The following CCDC171 variants were observed in gnomAD, a reference collection of about 807,000 sequenced individuals.
CCDC171 encodes the protein coiled-coil domain-containing protein 171.
In CCDC171, 177 loss-of-function variants were observed where a neutral mutation model predicts 168.2. The observed-to-expected ratio is 1.05, with a 90% CI of 0.93 to 1.19. The LOEUF (loss-of-function observed/expected upper bound fraction) is 1.19. CCDC171 is among the 50% of genes most tolerant of loss of function. CCDC171 has a pLI of 0.00. For missense variants in CCDC171, 1,991 were observed against 1,539.0 expected (o/e 1.29, Z -4.91); for synonymous variants, 687 against 540.8 (o/e 1.27, Z -3.75).
chr9:15,865,413 G>A (rs942433831), intron 23 of CCDC171, among the ~76,000 whole-genome samples: 1 of 145,784 alleles, frequency 6.9e-6, no homozygotes, highest in African/African-American at 2.5e-5. Flanking sequence ...TGTATATAAA[G>A]TTGACCCTTG....
At chr9:15,611,290 C>A (rs1188706204) in intron 6 of CCDC171, among the ~76,000 whole-genome samples, 1 of 152,164 alleles carries the variant, frequency 6.6e-6, no homozygotes, top group Non-Finnish European at 1.5e-5. Flanking sequence ...TTATAAATTA[C>A]CCATTCTCAC....
intron 24 of CCDC171, among the ~76,000 whole-genome samples, chr9:15,878,115 C>A (rs1256560542): frequency 1.3e-5 from 2 of 152,038 alleles, no homozygotes; most frequent in Non-Finnish European, 2.9e-5. Context: ...GCAACAAAGA[C>A]AACAAATGAC....
At chr9:15,927,219 A>G (rs1048417215) in intron 25 of CCDC171, among the ~76,000 whole-genome samples, 1 of 151,626 alleles carries the variant, frequency 6.6e-6, no homozygotes, top group Non-Finnish European at 1.5e-5. Context: ...ACTTGCCAGT[A>G]CTTTAACTTT....
At chr9:15,879,885 A>G (rs978968924) in intron 24 of CCDC171, among the ~76,000 whole-genome samples, 15 of 152,212 alleles carry the variant, frequency 9.9e-5, no homozygotes, top group Non-Finnish European at 4.4e-5. Context: ...TTTAATACAC[A>G]TTCTCCAATT....
At chr9:16,059,507 T>C (rs1296854625) in intron 1 of CCDC171, among the ~76,000 whole-genome samples, 2 of 62,088 alleles carry the variant, frequency 3.2e-5, no homozygotes, top group East Asian at 5.3e-4. Flanking sequence ...TTTTTTTTCT[T>C]TTTTTTTTTT....
At chr9:15,707,988 C>T (rs2052373686) in intron 11 of CCDC171, among the ~76,000 whole-genome samples, 1 of 152,170 alleles carries the variant, frequency 6.6e-6, no homozygotes, top group African/African-American at 2.4e-5. Flanking sequence ...GCTGGGATTA[C>T]AGGCATCCAG....
chr9:15,955,505 G>A (rs1218175113), intron 25 of CCDC171, among the ~76,000 whole-genome samples: 1 of 152,162 alleles, frequency 6.6e-6, no homozygotes, highest in Admixed American at 6.6e-5. Context: ...TGTGCAAGCT[G>A]TTCCAAGAAC....
In CCDC171 at chr9:15,971,593, C is replaced by A; in HGVS notation, c.3754-16C>A. 6.4e-7 allele frequency: 1 copy of A among 1,574,534 alleles called. No individual in the cohort carries two copies. Among genetic ancestry groups the A allele is most frequent in the Admixed American group, 1.7e-5 (1 of 58,278 alleles). ...TCAACTCTATGTTTATTATTTTTTT[C>A]TTTTGTATGTCACAGATAGGATCAC... On this transcript the variant is annotated splice_polypyrimidine_tract_variant and intron_variant, in intron 25 of 25. Transcript: ENST00000380701.
rs905188843 is a variant in CCDC171, at chr9:15,721,661, A to C, written c.1319-108A>C. ...TGTATGGCCAAGTATTAATAGTTTC[A>C]TAACGTCTTTTCAGCTCTACCTAAT... On this transcript the variant is annotated intron_variant, in intron 11 of 25. Transcript: ENST00000380701. 7 of 448,396 alleles carry C rather than the reference A, an allele frequency of 1.6e-5. No individual in the cohort carries two copies. The Admixed American group carries it at 2.0e-4, about 13-fold the overall frequency. 27.8% of individuals were successfully genotyped at this position (448,396 alleles called of 1,614,324 possible). A position where few individuals can be genotyped will look rare whatever the true frequency, so the allele number is the denominator to read the frequency against.
At chr9:15,809,703 G>A (rs2059246935) in intron 21 of CCDC171, among the ~76,000 whole-genome samples, 1 of 152,186 alleles carries the variant, frequency 6.6e-6, no homozygotes, top group Non-Finnish European at 1.5e-5. Flanking sequence ...GACCTTCGTG[G>A]TGAGTGTTAC....
Position 15,706,277 on chromosome 9 carries a change from C to T in CCDC171, c.1318+10940C>T, listed in dbSNP as rs541490756. Among the ~76,000 whole-genome samples the T allele has an allele frequency of 2.5e-4, 38 of 150,448 alleles. No homozygotes were observed. The South Asian group carries it at 4.2e-3, about 17-fold the overall frequency. ...CCTTCCTTCCTTCCTTCCTTTCTTC[C>T]TTCCTTTCTTTTTCTGCATCTTTTC... On this transcript the variant is annotated intron_variant, in intron 11 of 25. Coordinates refer to ENST00000380701, the MANE Select transcript of CCDC171 (RefSeq NM_173550.4).
chr9:15,851,360 A>T (rs1051653365), intron 23 of CCDC171, among the ~76,000 whole-genome samples: 1 of 151,746 alleles, frequency 6.6e-6, no homozygotes, highest in African/African-American at 2.4e-5. Context: ...TATTAATTTC[A>T]TTTAGATATA....
chr9:15,922,760 G>C (rs899294317), intron 25 of CCDC171, among the ~76,000 whole-genome samples: 1 of 151,418 alleles, frequency 6.6e-6, no homozygotes, highest in Non-Finnish European at 1.5e-5. Flanking sequence ...AACAGCCATT[G>C]TAACAGGAGT....
chr9:16,100,796 GCGCCCCCCACCC>G, the CCDC171 span, among the ~76,000 whole-genome samples: 4 of 152,240 alleles, frequency 2.6e-5, no homozygotes, highest in East Asian at 1.9e-4. Context: ...AGCCTGTCAG[GCGCCCCCCACCC>G]CGCCCCCCAC....
At chr9:15,771,847 C>T (rs572032388) in intron 18 of CCDC171, among the ~76,000 whole-genome samples, 8 of 151,958 alleles carry the variant, frequency 5.3e-5, no homozygotes, top group South Asian at 4.2e-4. Flanking sequence ...TTTGGGGGGA[C>T]GGGCGGGGCA....
intron 1 of CCDC171, among the ~76,000 whole-genome samples, chr9:16,058,755 G>A (rs1480184933): frequency 1.3e-5 from 2 of 152,322 alleles, no homozygotes; most frequent in East Asian, 3.9e-4. Context: ...TTTGCCTCCA[G>A]AATAGAATTC....
chr9:15,593,406 C>T (rs967244670), intron 5 of CCDC171, among the ~76,000 whole-genome samples: 4 of 152,092 alleles, frequency 2.6e-5, no homozygotes, highest in Middle Eastern at 3.2e-3. Flanking sequence ...AAAAGGAAAG[C>T]ATTTTTTCAA....
chr9:15,568,371 G>T (rs1429569497), intron 2 of CCDC171, among the ~76,000 whole-genome samples: 1 of 151,040 alleles, frequency 6.6e-6, no homozygotes, highest in South Asian at 2.1e-4. Context: ...CCCGGGCTTA[G>T]GCCATTCTCC....
At chr9:15,844,316 GTA>G (rs1443758300) in intron 21 of CCDC171, among the ~76,000 whole-genome samples, 1 of 151,800 alleles carries the variant, frequency 6.6e-6, no homozygotes, top group Non-Finnish European at 1.5e-5. Context: ...TATGTGATGT[GTA>G]TATGTATGTA....
Sources: allele counts gnomAD v4.1 joint callset (sites outside exome capture counted in the v4.1 genomes callset), GRCh38; gene constraint gnomAD v4.1.1; transcripts MANE v1.5; gene names NCBI Gene and HGNC (gene_info 2026-07-23, HGNC 2026-07-21).